The following VCF2 variants were observed in gnomAD, a reference collection of about 807,000 sequenced individuals.
VCF2 encodes VCP nuclear cofactor family member 2, also known as protein VCF2.
At chrX:55,152,282 C>G in the VCF2 span, among the ~76,000 whole-genome samples, 1 of 112,152 alleles carries the variant, frequency 8.9e-6, no homozygotes, top group Non-Finnish European at 1.9e-5. Flanking sequence ...ACATAAAACA[C>G]TTTCATACCT....
the VCF2 span, chrX:55,160,891 G>T: frequency 8.6e-7 from 1 of 1,156,521 alleles, no homozygotes. Context: ...TGTTCTTTCG[G>T]AGAAGGCTTC....
the VCF2 span, among the ~76,000 whole-genome samples, chrX:55,155,063 T>C: frequency 9.0e-6 from 1 of 111,601 alleles, no homozygotes; most frequent in Non-Finnish European, 1.9e-5. Context: ...AGAATATTAA[T>C]AGGAAGGGTG....
chrX:55,143,779 T>G, the VCF2 span: 15 of 1,184,605 alleles, frequency 1.3e-5, no homozygotes, highest in South Asian at 2.8e-4. Context: ...ATAAGTAGTT[T>G]TAAACAGCTT....
the VCF2 span, chrX:55,145,788 A>G: frequency 1.2e-6 from 1 of 845,445 alleles, no homozygotes; most frequent in Non-Finnish European, 1.4e-6. Context: ...TCTGAATTGG[A>G]CATATGGCTT....
At chrX:55,160,658 G>C in the VCF2 span, 2 of 481,682 alleles carry the variant, frequency 4.2e-6, no homozygotes, top group Middle Eastern at 4.7e-4. Flanking sequence ...AGAATACATT[G>C]ATAAAGGTCC....
chrX:55,158,942 C>T, the VCF2 span, among the ~76,000 whole-genome samples: 1 of 112,105 alleles, frequency 8.9e-6, no homozygotes, highest in Admixed American at 9.4e-5. Context: ...TTCTGTGCTT[C>T]TTTTCCATTT....
the VCF2 span, among the ~76,000 whole-genome samples, chrX:55,156,938 C>T: frequency 3.6e-5 from 4 of 112,031 alleles, no homozygotes; most frequent in Non-Finnish European, 7.5e-5. Flanking sequence ...TATGAAAGTG[C>T]TTGGGATGTT....
chrX:55,157,954 G>C, the VCF2 span, among the ~76,000 whole-genome samples: 1 of 112,493 alleles, frequency 8.9e-6, no homozygotes, highest in Non-Finnish European at 1.9e-5. Context: ...CTATGTACTA[G>C]GGTTTTTACA....
chrX:55,161,059 G>A, the VCF2 span: 1 of 1,194,467 alleles, frequency 8.4e-7, no homozygotes. Context: ...CGAGATCTTG[G>A]CTGAGAAAGC....
the VCF2 span, among the ~76,000 whole-genome samples, chrX:55,154,952 A>G: frequency 1.8e-5 from 2 of 112,902 alleles, no homozygotes; most frequent in Admixed American, 9.4e-5. Context: ...GACAGCATCA[A>G]GCTATTGCAA....
the VCF2 span, among the ~76,000 whole-genome samples, chrX:55,158,556 CAAAGA>C: frequency 9.0e-6 from 1 of 111,597 alleles, no homozygotes; most frequent in African/African-American, 3.3e-5. Flanking sequence ...GTTCCCAACA[CAAAGA>C]AAAGATGTAT....
chrX:55,160,626 A>T, the VCF2 span: 2 of 450,245 alleles, frequency 4.4e-6, no homozygotes, highest in African/African-American at 4.9e-5. Context: ...CTACCATGAG[A>T]TTCAGAGACG....
the VCF2 span, chrX:55,145,906 A>G: frequency 9.9e-7 from 1 of 1,006,559 alleles, no homozygotes; most frequent in Non-Finnish European, 1.3e-6. Context: ...TAAAAATTTC[A>G]TAAACATTTA....
chrX:55,156,848 T>G, the VCF2 span, among the ~76,000 whole-genome samples: 8 of 112,029 alleles, frequency 7.1e-5, no homozygotes, highest in African/African-American at 9.7e-5. Context: ...AAAAGACTGA[T>G]AGGTAATCCT....
At chrX:55,153,341 A>G in the VCF2 span, among the ~76,000 whole-genome samples, 1 of 103,206 alleles carries the variant, frequency 9.7e-6, no homozygotes, top group Non-Finnish European at 2.0e-5. Flanking sequence ...CTTTTTTTAA[A>G]TTTTTATTTA....
At chrX:55,160,970 G>A in the VCF2 span, 2 of 1,166,378 alleles carry the variant, frequency 1.7e-6, no homozygotes, top group Non-Finnish European at 2.3e-6. Flanking sequence ...GGCCAACACT[G>A]TCACCTGCAG....
At chrX:55,143,680 T>A in the VCF2 span, 21 of 574,894 alleles carry the variant, frequency 3.7e-5, no homozygotes, top group Middle Eastern at 1.7e-3. Context: ...TCTGAGCCCC[T>A]ACTTGACCCA....
the VCF2 span, among the ~76,000 whole-genome samples, chrX:55,144,595 T>C: frequency 2.7e-5 from 3 of 110,566 alleles, no homozygotes; most frequent in Admixed American, 1.9e-4. Context: ...TGAAAATGTG[T>C]GTGTGTGTGT....
At chrX:55,158,134 C>A in the VCF2 span, among the ~76,000 whole-genome samples, 1 of 111,977 alleles carries the variant, frequency 8.9e-6, no homozygotes, top group Non-Finnish European at 1.9e-5. Flanking sequence ...GATAATCATA[C>A]CTGTGTATAG....
Sources: allele counts gnomAD v4.1 joint callset (sites outside exome capture counted in the v4.1 genomes callset), GRCh38; gene constraint gnomAD v4.1.1; transcripts MANE v1.5; gene names NCBI Gene and HGNC (gene_info 2026-07-23, HGNC 2026-07-21).